The following TMEM248 variants were observed in gnomAD, a reference collection of about 807,000 sequenced individuals.
The protein encoded by TMEM248 is transmembrane protein 248.
TMEM248 carries 9 observed loss-of-function variants against 30.3 expected under a neutral mutation model. The observed-to-expected ratio is 0.30, with a 90% CI of 0.18 to 0.52. The LOEUF is 0.52. TMEM248 is among the 20% of genes least tolerant of loss of function. The pLI is 0.97. For missense variants in TMEM248, 338 were observed against 403.3 expected, an observed-to-expected ratio of 0.84 and a Z score of 1.39; for synonymous variants, 184 against 154.4, an observed-to-expected ratio of 1.19 and a Z score of -1.42.
At chr7:66,926,083 G>C (rs749450478) in intron 1 of TMEM248, among the ~76,000 whole-genome samples, 6 of 152,088 alleles carry the variant, frequency 3.9e-5, no homozygotes, top group African/African-American at 1.4e-4. Context: ...CCTGACAGGC[G>C]CGAGATGATA....
intron 4 of TMEM248, among the ~76,000 whole-genome samples, chr7:66,949,545 T>C (rs1432711032): frequency 2.0e-5 from 3 of 152,226 alleles, no homozygotes; most frequent in Non-Finnish European, 4.4e-5. Flanking sequence ...TTAAAATCGT[T>C]GATTTTAGTT....
intron 4 of TMEM248, among the ~76,000 whole-genome samples, chr7:66,949,153 AAAAG>A (rs1474624582): frequency 1.4e-4 from 21 of 151,610 alleles, no homozygotes; most frequent in South Asian, 2.1e-4. Flanking sequence ...AAAAAAAAAA[AAAAG>A]AAAGAAAAAG....
chr7:66,946,832 A>G (rs896058342), intron 3 of TMEM248, among the ~76,000 whole-genome samples: 1 of 152,218 alleles, frequency 6.6e-6, no homozygotes, highest in African/African-American at 2.4e-5. Flanking sequence ...AAGGCAGTGG[A>G]AGCTGGAATA....
chr7:66,928,266 T>G (rs546956227), intron 1 of TMEM248, among the ~76,000 whole-genome samples: 1 of 152,104 alleles, frequency 6.6e-6, no homozygotes, highest in African/African-American at 2.4e-5. Context: ...AAAGTTGATC[T>G]CTTACTTGTG....
intron 1 of TMEM248, among the ~76,000 whole-genome samples, chr7:66,929,426 ATTT>A (rs35126436): frequency 0.018 from 1,793 of 97,478 alleles, 15 homozygotes; most frequent in African/African-American, 0.022. Context: ...TGAGAGACAA[ATTT>A]TTTTTTTTTT....
chr7:66,927,624 G>GT (rs369608291), intron 1 of TMEM248, among the ~76,000 whole-genome samples: 11,781 of 126,182 alleles, frequency 0.093, 628 homozygotes, highest in Admixed American at 0.19. Context: ...TTTGGGTTTT[G>GT]TTTTTTTTTT....
At chr7:66,925,548 T>C (rs760362980) in intron 1 of TMEM248, among the ~76,000 whole-genome samples, 1 of 152,148 alleles carries the variant, frequency 6.6e-6, no homozygotes, top group Non-Finnish European at 1.5e-5. Flanking sequence ...TTTCTCTTAG[T>C]ATAACGTTCA....
intron 6 of TMEM248, among the ~76,000 whole-genome samples, chr7:66,954,584 A>G (rs1184993485): frequency 1.3e-5 from 2 of 151,982 alleles, no homozygotes; most frequent in African/African-American, 4.8e-5. Context: ...TTTTGAAAAG[A>G]CAGGGTTTCG....
At chr7:66,937,772 G>A (rs1460757875) in intron 1 of TMEM248, among the ~76,000 whole-genome samples, 4 of 152,060 alleles carry the variant, frequency 2.6e-5, no homozygotes, top group East Asian at 1.9e-4. Flanking sequence ...GTGCAATGGC[G>A]CGACCTTGGC....
chr7:66,933,162 C>G (rs953881575), intron 1 of TMEM248, among the ~76,000 whole-genome samples: 3 of 152,120 alleles, frequency 2.0e-5, no homozygotes, highest in Non-Finnish European at 4.4e-5. Flanking sequence ...GCCTAGCTCC[C>G]GCTTTGTTTT....
At chr7:66,925,598 A>G (rs976786334) in intron 1 of TMEM248, among the ~76,000 whole-genome samples, 2 of 152,146 alleles carry the variant, frequency 1.3e-5, no homozygotes, top group African/African-American at 4.8e-5. Flanking sequence ...GCTGCAGTGA[A>G]CAGACATCTC....
chr7:66,953,912 C>T (rs1792334834), intron 6 of TMEM248, among the ~76,000 whole-genome samples: 1 of 134,686 alleles, frequency 7.4e-6, no homozygotes, highest in Non-Finnish European at 1.6e-5. Flanking sequence ...AGCTCATCCT[C>T]TGTAACGTTA....
At chr7:66,931,164 G>C (rs1466738049) in intron 1 of TMEM248, among the ~76,000 whole-genome samples, 1 of 151,938 alleles carries the variant, frequency 6.6e-6, no homozygotes, top group Non-Finnish European at 1.5e-5. Flanking sequence ...TTAGCCGGAC[G>C]TGGTGATGTG....
In TMEM248 at chr7:66,951,114, G is replaced by A; in HGVS notation, c.759G>A (p.Lys253=). The A allele has an allele frequency of 6.3e-7, 1 of 1,593,698 alleles. No homozygotes were observed. The change falls in exon 5 of 7, where the codon AAG becomes AAA. Residue 253 remains lysine, a synonymous_variant. Coordinates refer to ENST00000341567, the MANE Select transcript of TMEM248 (RefSeq NM_017994.5). ...AAGTCTATCATGCTTTAAATCCCAA[G>A]CTTACAGTGATTGTTCCAGATGTAA... ...IGKVYHALNP[K]LTVIVPDDDR...
In TMEM248 at chr7:66,955,587, C is replaced by A; in HGVS notation, c.*65C>A. On this transcript the variant is annotated 3_prime_UTR_variant, in exon 7 of 7. Transcript: ENST00000341567. ...CATAATCCTTGCCTGCTGAACCCAG[C>A]CTGGGCCTGGATGCTCTGTGAATAC... 2 of 1,594,060 alleles carry A rather than the reference C, an allele frequency of 1.3e-6. No individual in the cohort carries two copies. Among genetic ancestry groups the A allele is most frequent in the African/African-American group, 2.7e-5 (2 of 74,462 alleles).
chr7:66,941,976 G>A lies in TMEM248; in HGVS notation c.111G>A (p.Leu37=). 3.1e-6 allele frequency: 5 copies of A among 1,614,114 alleles called. No homozygotes were observed. The highest frequency in any genetic ancestry group is 4.2e-6 in the Non-Finnish European group (5 of 1,180,016). The part of the protein sequence containing the change: ...VSAMAIAFLT[L]GYFFKIKEIK... Reference sequence around the variant, plus strand: ...CCATGGCCATAGCTTTCCTGACCCTGGGCTACTTCTTCAAAATCAAGGAGA... The same window carrying A: ...CCATGGCCATAGCTTTCCTGACCCTAGGCTACTTCTTCAAAATCAAGGAGA... Residue 37 remains leucine (L), a synonymous_variant, in exon 2 of 7, where the codon CTG becomes CTA. Coordinates refer to ENST00000341567, the MANE Select transcript of TMEM248 (RefSeq NM_017994.5).
At chr7:66,945,378 T>TG in intron 3 of TMEM248, 117 bp downstream of exon 3, 1 of 1,129,460 alleles carries the variant, frequency 8.9e-7, no homozygotes, top group South Asian at 1.6e-5. Context: ...TGCGCGTGTC[T>TG]TTTTTTTGTT....
chr7:66,936,587 C>T (rs1448007178), intron 1 of TMEM248, among the ~76,000 whole-genome samples: 1 of 151,634 alleles, frequency 6.6e-6, no homozygotes, highest in African/African-American at 2.4e-5. Flanking sequence ...TTTGGAGGTA[C>T]TCCCTCTTCT....
intron 1 of TMEM248, among the ~76,000 whole-genome samples, chr7:66,925,911 G>C (rs1457308739): frequency 6.6e-6 from 1 of 151,948 alleles, no homozygotes; most frequent in East Asian, 1.9e-4. Context: ...AAAGTGCTGG[G>C]ATTACAGACG....
Sources: allele counts gnomAD v4.1 joint callset (sites outside exome capture counted in the v4.1 genomes callset), GRCh38; gene constraint gnomAD v4.1.1; transcripts MANE v1.5; gene names NCBI Gene and HGNC (gene_info 2026-07-23, HGNC 2026-07-21).